ACIN1: variants seen among roughly 807,000 people sequenced by gnomAD.
ACIN1 encodes apoptotic chromatin condensation inducer 1, also known as apoptotic chromatin condensation inducer in the nucleus.
In ACIN1, 16 loss-of-function variants were observed where a neutral mutation model predicts 146.6. The observed-to-expected ratio is 0.11, with a 90% CI of 0.07 to 0.17. The LOEUF is 0.17. ACIN1 is among the 10% of genes least tolerant of loss of function. ACIN1 has a pLI of 1.00. For synonymous variants in ACIN1, 569 were observed against 582.7 expected (o/e 0.98, Z 0.34); for missense variants, 1,357 against 1,609.3 (o/e 0.84, Z 2.68).
chr14:23,071,547 G>A lies in ACIN1; in HGVS notation c.2124-1930C>T, dbSNP rs1298839693. ...GCAGCGATCAGCCGGAGACATGCAG[G>A]GGAGCCATCTTGCCACTTACCCAGC... On this transcript the variant is annotated intron_variant, in intron 8 of 18. Transcript: ENST00000605057. 3.2e-6 allele frequency: 5 copies of A among 1,550,620 alleles called. No homozygotes were observed. In the South Asian group the frequency reaches 3.6e-5, roughly 11 times the overall value.
Position 23,094,687 on chromosome 14 carries a change from G to C in ACIN1, c.138+288C>G, listed in dbSNP as rs999261151. 3.5e-5 allele frequency: 24 copies of C among 693,840 alleles called. No homozygotes were observed. In the African/African-American group the frequency reaches 3.5e-4, roughly 10 times the overall value. The allele number at this position is 693,840 out of a possible 1,614,324, so 43.0% of individuals were successfully genotyped here. A position where few individuals can be genotyped will look rare whatever the true frequency, so the allele number is the denominator to read the frequency against. ...CTGCAGCGCATGCGCCGAAACCACA[G>C]ATACAAACAAGGAGGGGGTGGGGGA... On this transcript the variant is annotated intron_variant, in intron 1 of 18. Transcript: ENST00000605057.
intron 4 of ACIN1, 126 bp from the exon 5 acceptor site, chr14:23,081,962 G>T (rs112967211): frequency 3.0e-6 from 2 of 669,266 alleles, no homozygotes; most frequent in Non-Finnish European, 4.9e-6. Flanking sequence ...TATCTGTATC[G>T]GTTTCTTTGA....
At chr14:23,076,294 G>T (rs2047800075) in intron 8 of ACIN1, among the ~76,000 whole-genome samples, 1 of 152,208 alleles carries the variant, frequency 6.6e-6, no homozygotes, top group Non-Finnish European at 1.5e-5. Context: ...TGATGTGTGT[G>T]AACTGCTCCT....
At position 23,090,510 on chromosome 14, in the gene ACIN1, A is replaced by G. The variant is rs1278251727; in HGVS notation, c.316+12T>C. 1 of 1,612,500 alleles carries G rather than the reference A, an allele frequency of 6.2e-7. No individual in the cohort carries two copies. Among genetic ancestry groups the G allele is most frequent in the Non-Finnish European group, 8.5e-7 (1 of 1,178,608 alleles). ...GACGAACTCCTTGTTAAAAGTGACA[A>G]TCTGGGCTTACCTTCAAGTTCTGCA... On this transcript the variant is annotated intron_variant, in intron 3 of 18. Coordinates refer to ENST00000605057, the MANE Select transcript of ACIN1 (RefSeq NM_001386863.1).
intron 1 of ACIN1, 77 bp from the exon 2 acceptor site, chr14:23,093,621 C>T: frequency 8.2e-7 from 1 of 1,223,172 alleles, no homozygotes; most frequent in Non-Finnish European, 1.2e-6. Context: ...ACCACAACCT[C>T]TAAATTAAAC....
chr14:23,082,836 T>A (rs1318243074), intron 4 of ACIN1, among the ~76,000 whole-genome samples: 1 of 151,222 alleles, frequency 6.6e-6, no homozygotes, highest in Non-Finnish European at 1.5e-5. Flanking sequence ...GCCTCCCAGG[T>A]TCAAGCGATT....
At chr14:23,071,011 T>C in intron 8 of ACIN1, 2 of 1,227,334 alleles carry the variant, frequency 1.6e-6, no homozygotes, top group Non-Finnish European at 2.3e-6. Context: ...GAAGGCAGAA[T>C]GACTGAAAAC....
rs1365062495 is a variant in ACIN1, at chr14:23,064,592, T to C, written c.2309-104A>G. On this transcript the variant is annotated intron_variant, in intron 10 of 18. Transcript: ENST00000605057. ...CTCTGGCTGGAGTTTTGGTAAAAGGTTAACTTAAAGAAATCATATTTGGAG... is the reference window on the plus strand; with the variant it reads ...CTCTGGCTGGAGTTTTGGTAAAAGGCTAACTTAAAGAAATCATATTTGGAG... 4 of 1,472,926 alleles carry C rather than the reference T, an allele frequency of 2.7e-6. No individual in the cohort carries two copies. The East Asian group carries it at 6.8e-5, about 25-fold the overall frequency. 91.2% of individuals were successfully genotyped at this position (1,472,926 alleles called of 1,614,324 possible).
In ACIN1 at chr14:23,079,053, A is replaced by T; in HGVS notation, c.1789-15T>A. The T allele has an allele frequency of 6.2e-7, 1 of 1,607,452 alleles. No homozygotes were observed. The highest frequency in any genetic ancestry group is 8.5e-7 in the Non-Finnish European group (1 of 1,176,082). ...GGGCTCAGAGACTAAAACAAAATGA[A>T]ACACATAACAAGGAAAATTATTGTA... On this transcript the variant is annotated splice_polypyrimidine_tract_variant and intron_variant, in intron 6 of 18. Transcript: ENST00000605057.
chr14:23,064,451 T>C lies in ACIN1; in HGVS notation c.2346A>G (p.Thr782=). The part of the protein sequence containing the change: ...TKGVPAGNSD[T]EGGQPGRKRR... ...GTTTCCGACCAGGCTGGCCCCCCTC[T>C]GTGTCACTGTTTCCAGCTGGCACCC... Residue 782 remains threonine, a synonymous_variant, in exon 11 of 19, where the codon ACA becomes ACG. Transcript: ENST00000605057. 1 of 1,614,148 alleles carries C rather than the reference T, an allele frequency of 6.2e-7. No individual in the cohort carries two copies. Among genetic ancestry groups the C allele is most frequent in the East Asian group, 2.2e-5 (1 of 44,904 alleles).
chr14:23,077,638 C>T (rs1348138805), intron 8 of ACIN1, among the ~76,000 whole-genome samples: 3 of 152,138 alleles, frequency 2.0e-5, no homozygotes, highest in African/African-American at 7.2e-5. Flanking sequence ...TTGAAAGGAA[C>T]TTCATAATTT....
chr14:23,064,318 G>C, intron 11 of ACIN1, 37 bp downstream of exon 11: 2 of 1,613,962 alleles, frequency 1.2e-6, no homozygotes, highest in Non-Finnish European at 1.7e-6. Context: ...CACCTTAACA[G>C]GTCTCATCCT....
In ACIN1 at chr14:23,079,760, T is replaced by A. The variant is rs1158201079; in HGVS notation, c.1575A>T (p.Ser525=). ...SADSSSSRSS[S]SSSSSSRSRS... is the part of the protein sequence containing the mutation. ...TTGATCTAGAACTGGAGGAGGAAGA[T>A]GAGGAGGACCGGCTAGAGGATGAAT... Residue 525 remains serine (S), a synonymous_variant, in exon 6 of 19, where the codon TCA becomes TCT. Coordinates refer to ENST00000605057, the MANE Select transcript of ACIN1 (RefSeq NM_001386863.1). 5 of 1,614,148 alleles carry A rather than the reference T, an allele frequency of 3.1e-6. No homozygotes were observed. The highest frequency in any genetic ancestry group is 3.4e-6 in the Non-Finnish European group (4 of 1,180,028).
At chr14:23,071,051 A>G in intron 8 of ACIN1, 1 of 1,455,388 alleles carries the variant, frequency 6.9e-7, no homozygotes, top group Non-Finnish European at 9.4e-7. Flanking sequence ...AATGAAAGCC[A>G]TGAGGAAGAG....
At chr14:23,078,746 T>G in intron 7 of ACIN1, 74 bp downstream of exon 7, 1 of 1,481,526 alleles carries the variant, frequency 6.7e-7, no homozygotes, top group Non-Finnish European at 9.1e-7. Context: ...ACTTTTTAGT[T>G]TTATAGCAAA....
Position 23,063,441 on chromosome 14 carries a change from T to C in ACIN1, c.2732A>G (p.Lys911Arg). 1 of 1,613,956 alleles carries C rather than the reference T, an allele frequency of 6.2e-7. No individual in the cohort carries two copies. The highest frequency in any genetic ancestry group is 2.2e-5 in the East Asian group (1 of 44,890). Residue 911 changes from lysine to arginine, a missense_variant, in exon 13 of 19, where the codon AAG (lysine) becomes AGG (arginine). By Grantham distance (26) the Lys-to-Arg change is conservative. Transcript: ENST00000605057. ...TCTCACAATATGTCACTCACCTTTC[T>C]TTACTTCATGCTCTGCAGGTGGGGG... ...ALPPPAEHEV[K>R]KVTLGDTLTR... is the part of the protein sequence containing the mutation.
At chr14:23,070,320 G>C (rs184685369) in intron 8 of ACIN1, among the ~76,000 whole-genome samples, 84 of 152,232 alleles carry the variant, frequency 5.5e-4, no homozygotes, top group African/African-American at 1.9e-3. Flanking sequence ...AATTGAGTAT[G>C]AGAGCTCAGA....
At chr14:23,061,841 G>T (rs1282822932) in intron 16 of ACIN1, among the ~76,000 whole-genome samples, 1 of 152,174 alleles carries the variant, frequency 6.6e-6, no homozygotes, top group South Asian at 2.1e-4. Context: ...GGGCGTGGTG[G>T]CGGGCGCCTG....
intron 2 of ACIN1, 40 bp from the exon 3 acceptor site, chr14:23,090,673 A>C: frequency 6.7e-7 from 1 of 1,500,242 alleles, no homozygotes; most frequent in Non-Finnish European, 9.2e-7. Context: ...TAGGAAAACA[A>C]ACCAGGAGAA....
Sources: allele counts gnomAD v4.1 joint callset (sites outside exome capture counted in the v4.1 genomes callset), GRCh38; gene constraint gnomAD v4.1.1; transcripts MANE v1.5; gene names NCBI Gene and HGNC (gene_info 2026-07-23, HGNC 2026-07-21).